The following KCNH7 variants were observed in gnomAD, a reference collection of about 807,000 sequenced individuals.
KCNH7 encodes the protein potassium voltage-gated channel subfamily H member 7, also known as voltage-gated inwardly rectifying potassium channel KCNH7.
Under a neutral mutation model 120.8 loss-of-function variants are expected in KCNH7, and 49 were observed. The ratio of observed to expected loss-of-function variants is 0.41; its 90% CI spans 0.32 to 0.51. The LOEUF (loss-of-function observed/expected upper bound fraction) is 0.51. Ranked by LOEUF, KCNH7 falls within the 20% of genes least tolerant of loss-of-function variation. The pLI, the probability that KCNH7 is intolerant of heterozygous loss-of-function variation, is 0.38. For missense variants in KCNH7, 1,097 were observed against 1,446.6 expected (o/e 0.76, Z 3.92); for synonymous variants, 547 against 516.1 (o/e 1.06, Z -0.81).
chr2:162,543,551 A>G (rs1251546662), intron 2 of KCNH7, among the ~76,000 whole-genome samples: 2 of 152,130 alleles, frequency 1.3e-5, no homozygotes, highest in Admixed American at 1.3e-4. Context: ...AGTGTGAATA[A>G]TTTATTTTCA....
intron 8 of KCNH7, among the ~76,000 whole-genome samples, chr2:162,427,213 A>AT (rs1366108764): frequency 6.6e-6 from 1 of 151,968 alleles, no homozygotes; most frequent in African/African-American, 2.4e-5. Context: ...GTGGGCTTAT[A>AT]TTTTCATTTC....
At chr2:162,681,859 T>C (rs1321449038) in intron 2 of KCNH7, among the ~76,000 whole-genome samples, 1 of 151,440 alleles carries the variant, frequency 6.6e-6, no homozygotes, top group African/African-American at 2.4e-5. Context: ...TACTTAACTT[T>C]CCTATATGCA....
At chr2:162,672,460 C>T (rs1685392666) in intron 2 of KCNH7, among the ~76,000 whole-genome samples, 1 of 151,748 alleles carries the variant, frequency 6.6e-6, no homozygotes, top group Non-Finnish European at 1.5e-5. Flanking sequence ...TGAAAACGAC[C>T]AATAACAAAA....
chr2:162,483,116 T>A (rs1689983318), intron 6 of KCNH7, among the ~76,000 whole-genome samples: 1 of 152,304 alleles, frequency 6.6e-6, no homozygotes, highest in South Asian at 2.1e-4. Context: ...ATATTCCTGA[T>A]TTTAACGTAT....
intron 2 of KCNH7, among the ~76,000 whole-genome samples, chr2:162,746,805 G>C (rs1688332147): frequency 6.6e-6 from 1 of 152,070 alleles, no homozygotes; most frequent in Non-Finnish European, 1.5e-5. Context: ...TTAAATGACA[G>C]CATTGTAAAA....
chr2:162,600,874 A>G (rs767639054), intron 2 of KCNH7, among the ~76,000 whole-genome samples: 1 of 152,080 alleles, frequency 6.6e-6, no homozygotes, highest in Non-Finnish European at 1.5e-5. Context: ...GATGCCTTAA[A>G]TGCTCTACTA....
At chr2:162,603,007 A>G (rs1178537445) in intron 2 of KCNH7, among the ~76,000 whole-genome samples, 1 of 151,304 alleles carries the variant, frequency 6.6e-6, no homozygotes, top group Non-Finnish European at 1.5e-5. Context: ...TTGGAATCAC[A>G]GCAGGGACTA....
intron 7 of KCNH7, 119 bp from the exon 8 acceptor site, chr2:162,435,716 T>A: frequency 1.0e-6 from 1 of 956,052 alleles, no homozygotes; most frequent in Non-Finnish European, 1.5e-6. Flanking sequence ...GATAACTGCC[T>A]ATTTAAATTC....
At chr2:162,775,753 T>C (rs774571528) in intron 2 of KCNH7, among the ~76,000 whole-genome samples, 2 of 152,200 alleles carry the variant, frequency 1.3e-5, no homozygotes, top group Admixed American at 6.6e-5. Flanking sequence ...TAATAACTAC[T>C]ACAAAATGCT....
chr2:162,578,005 G>C (rs1478679284), intron 2 of KCNH7, among the ~76,000 whole-genome samples: 1 of 152,044 alleles, frequency 6.6e-6, no homozygotes, highest in Non-Finnish European at 1.5e-5. Context: ...CTAAGTGACT[G>C]AGCTGAGATG....
At chr2:162,625,723 G>A (rs562801499) in intron 2 of KCNH7, among the ~76,000 whole-genome samples, 46 of 152,244 alleles carry the variant, frequency 3.0e-4, no homozygotes, top group African/African-American at 1.0e-3. Context: ...AGAAAGAGCC[G>A]CAGCGTTGGG....
intron 2 of KCNH7, among the ~76,000 whole-genome samples, chr2:162,700,485 G>A (rs963672476): frequency 2.0e-5 from 3 of 152,044 alleles, no homozygotes; most frequent in East Asian, 3.9e-4. Context: ...TTTTTGGTAC[G>A]TATGGGAAAG....
At chr2:162,491,752 C>A (rs193278421) in intron 6 of KCNH7, among the ~76,000 whole-genome samples, 2 of 152,264 alleles carry the variant, frequency 1.3e-5, no homozygotes, top group East Asian at 3.9e-4. Flanking sequence ...CCCTCACGTA[C>A]CCCAGGTATT....
chr2:162,804,502 T>C (rs1684462447), intron 2 of KCNH7, among the ~76,000 whole-genome samples: 4 of 151,088 alleles, frequency 2.6e-5, no homozygotes, highest in Admixed American at 2.6e-4. Context: ...CAAAACAAAA[T>C]AAACAAACAA....
At chr2:162,586,680 C>CT (rs1364632242) in intron 2 of KCNH7, among the ~76,000 whole-genome samples, 1 of 128,280 alleles carries the variant, frequency 7.8e-6, no homozygotes, top group Admixed American at 7.6e-5. Flanking sequence ...TTTTTTTTTG[C>CT]TTTTTTCTCC....
chr2:162,726,114 A>T (rs140022368), intron 2 of KCNH7, among the ~76,000 whole-genome samples: 49 of 152,160 alleles, frequency 3.2e-4, no homozygotes, highest in African/African-American at 1.1e-3. Context: ...TGATCTATAG[A>T]TTTTTACCTA....
At chr2:162,494,643 CATGTTTTTGACTGT>C in intron 6 of KCNH7, among the ~76,000 whole-genome samples, 1 of 152,204 alleles carries the variant, frequency 6.6e-6, no homozygotes. Flanking sequence ...CTTTGTCAAT[CATGTTTTTGACTGT>C]AACTATCCTG....
chr2:162,590,473 T>A (rs2105932197), intron 2 of KCNH7, among the ~76,000 whole-genome samples: 1 of 152,232 alleles, frequency 6.6e-6, no homozygotes, highest in East Asian at 1.9e-4. Context: ...TCTTGATGGA[T>A]CATACCTAAC....
chr2:162,569,666 T>A (rs904122401), intron 2 of KCNH7, among the ~76,000 whole-genome samples: 3 of 151,786 alleles, frequency 2.0e-5, no homozygotes, highest in Admixed American at 6.6e-5. Flanking sequence ...TGTGGGCATT[T>A]AGTGCTATAA....
Sources: gnomAD v4.1 joint callset for allele counts (sites outside exome capture counted in the v4.1 genomes callset) on GRCh38, gnomAD v4.1.1 for gene constraint, MANE v1.5 for transcripts, NCBI Gene and HGNC (gene_info 2026-07-23, HGNC 2026-07-21) for gene names.